The following WDR7 variants were observed in gnomAD, a reference collection of about 807,000 sequenced individuals.
WDR7 encodes WD repeat-containing protein 7.
A neutral mutation model predicts 169.4 loss-of-function variants in WDR7; 46 were observed. The ratio of observed to expected loss-of-function variants is 0.27; its 90% CI spans 0.21 to 0.35. WDR7 has a LOEUF of 0.35. WDR7 is among the 10% of genes least tolerant of loss of function. The probability of loss-of-function intolerance (pLI) is 1.00; values close to 1 mark genes in which losing one functional copy is unlikely to be tolerated. For missense variants in WDR7, 1,534 were observed against 1,859.3 expected (o/e 0.83, Z 3.22); for synonymous variants, 612 against 666.8 (o/e 0.92, Z 1.27).
At chr18:56,782,924 AGTTAATCTTT>A (rs2044341501) in intron 19 of WDR7, among the ~76,000 whole-genome samples, 1 of 152,168 alleles carries the variant, frequency 6.6e-6, no homozygotes, top group Non-Finnish European at 1.5e-5. Flanking sequence ...GTGTGGCATG[AGTTAATCTTT>A]GTTAAGTGCG....
At chr18:56,793,442 T>G (rs79856206) in intron 19 of WDR7, among the ~76,000 whole-genome samples, 131 of 152,364 alleles carry the variant, frequency 8.6e-4, no homozygotes, top group African/African-American at 3.1e-3. Flanking sequence ...TCTTCTCTTT[T>G]CAAGGCATAG....
chr18:56,941,893 T>C (rs1340727432), intron 25 of WDR7, among the ~76,000 whole-genome samples: 1 of 152,176 alleles, frequency 6.6e-6, no homozygotes, highest in East Asian at 1.9e-4. Flanking sequence ...TGCCATGGAA[T>C]GGCATCCTAT....
At chr18:56,946,723 G>C (rs1034461545) in intron 25 of WDR7, among the ~76,000 whole-genome samples, 4 of 152,024 alleles carry the variant, frequency 2.6e-5, no homozygotes, top group Non-Finnish European at 5.9e-5. Flanking sequence ...ACATATATGT[G>C]TGTGTGTATA....
At chr18:56,794,818 C>G (rs1255354372) in intron 19 of WDR7, among the ~76,000 whole-genome samples, 1 of 152,136 alleles carries the variant, frequency 6.6e-6, no homozygotes, top group African/African-American at 2.4e-5. Flanking sequence ...TTCTTTTAAT[C>G]TATAGAGTTT....
At chr18:56,790,246 G>C (rs1297051387) in intron 19 of WDR7, among the ~76,000 whole-genome samples, 2 of 152,086 alleles carry the variant, frequency 1.3e-5, no homozygotes, top group Non-Finnish European at 2.9e-5. Flanking sequence ...TGTTTTTATA[G>C]AGCAAAAAGC....
At chr18:56,709,735 T>C (rs2026041101) in intron 12 of WDR7, among the ~76,000 whole-genome samples, 1 of 152,184 alleles carries the variant, frequency 6.6e-6, no homozygotes, top group South Asian at 2.1e-4. Context: ...CCAATTTTTG[T>C]CATTTTTCAT....
chr18:56,972,842 T>C (rs1478920670), intron 26 of WDR7, among the ~76,000 whole-genome samples: 1 of 152,146 alleles, frequency 6.6e-6, no homozygotes, highest in Non-Finnish European at 1.5e-5. Flanking sequence ...TTCTTGGTTT[T>C]TTTTTGTTTT....
intron 22 of WDR7, among the ~76,000 whole-genome samples, chr18:56,929,954 A>G (rs1599166772): frequency 6.6e-6 from 1 of 152,226 alleles, no homozygotes; most frequent in East Asian, 1.9e-4. Context: ...TTGGAAGCCT[A>G]GACTTCCATC....
intron 16 of WDR7, among the ~76,000 whole-genome samples, 158 bp from the exon 17 acceptor site, chr18:56,776,624 C>T (rs1358166752): frequency 6.6e-6 from 1 of 152,132 alleles, no homozygotes; most frequent in Non-Finnish European, 1.5e-5. Context: ...CTGCTGTAAT[C>T]TTTAATGATC....
Position 56,686,985 on chromosome 18 carries a change from T to G in WDR7, c.717+11T>G. Reference sequence around the variant, plus strand: ...TCCAAATATTGGAGGGTAAGATAATTATATAAATAAGAAGCTGTATTTTTA... The same window carrying G: ...TCCAAATATTGGAGGGTAAGATAATGATATAAATAAGAAGCTGTATTTTTA... On this transcript the variant is annotated intron_variant, in intron 7 of 27. Coordinates refer to ENST00000254442, the MANE Select transcript of WDR7 (RefSeq NM_015285.3). 1 of 1,599,078 alleles carries G rather than the reference T, an allele frequency of 6.3e-7. No individual in the cohort carries two copies. Among genetic ancestry groups the G allele is most frequent in the East Asian group, 2.2e-5 (1 of 44,714 alleles).
intron 21 of WDR7, among the ~76,000 whole-genome samples, chr18:56,899,186 T>C (rs2046369291): frequency 6.6e-6 from 1 of 152,056 alleles, no homozygotes; most frequent in African/African-American, 2.4e-5. Context: ...CAGTTTTATT[T>C]ATAGATTTAA....
chr18:56,691,643 C>T, intron 8 of WDR7, 72 bp from the exon 9 acceptor site: 2 of 1,319,358 alleles, frequency 1.5e-6, no homozygotes, highest in Non-Finnish European at 2.1e-6. Flanking sequence ...TACCAACAAA[C>T]CTTGTCATAT....
rs74820615 is a variant in WDR7, at chr18:56,678,503, T to C, written c.160-829T>C. ...GGGGAGACCCAGTAACACTGTGGTC[T>C]TTTTTTTTTTTGAGACGGAGTCTCA... On this transcript the variant is annotated intron_variant, in intron 2 of 27. Transcript: ENST00000254442. Among the ~76,000 whole-genome samples the C allele has an allele frequency of 4.9e-3, 16 of 3,246 alleles. No individual in the cohort carries two copies. The East Asian group carries it at 0.5, about 101-fold the overall frequency. 2.1% of individuals were successfully genotyped at this position (3,246 alleles called of 152,430 possible). A position where few individuals can be genotyped will look rare whatever the true frequency, so the allele number is the denominator to read the frequency against.
intron 20 of WDR7, among the ~76,000 whole-genome samples, chr18:56,842,087 C>A (rs540350208): frequency 1.3e-5 from 2 of 152,260 alleles, no homozygotes; most frequent in African/African-American, 4.8e-5. Flanking sequence ...TCTTCCCTGA[C>A]CCCCACGCTA....
intron 18 of WDR7, among the ~76,000 whole-genome samples, chr18:56,780,357 A>T (rs1425616865): frequency 6.6e-6 from 1 of 152,172 alleles, no homozygotes; most frequent in Non-Finnish European, 1.5e-5. Flanking sequence ...CGAGTAATAT[A>T]ATTGCTTCTT....
chr18:56,872,865 T>C (rs2045972342), intron 20 of WDR7: 1 of 152,222 alleles, frequency 6.6e-6, no homozygotes, highest in Non-Finnish European at 1.5e-5. Context: ...TTTTACAGAA[T>C]TATTTTATTT....
chr18:56,695,158 C>T lies in WDR7; in HGVS notation c.1317C>T (p.Ala439=). The change falls in exon 11 of 28, where the codon GCC becomes GCT. Residue 439 remains alanine, a synonymous_variant. Transcript: ENST00000254442. ...SIVIVPATQT[A]IVQLLQGEHM... ...TTATTGTACCTGCCACACAGACGGCCATAGTACAGCTGTTGCAAGGGGAAC... is the reference window on the plus strand; with the variant it reads ...TTATTGTACCTGCCACACAGACGGCTATAGTACAGCTGTTGCAAGGGGAAC... 1 of 1,614,102 alleles carries T rather than the reference C, an allele frequency of 6.2e-7. No individual in the cohort carries two copies. Among genetic ancestry groups the T allele is most frequent in the South Asian group, 1.1e-5 (1 of 91,072 alleles).
intron 14 of WDR7, among the ~76,000 whole-genome samples, chr18:56,739,930 C>G (rs1184343458): frequency 7.2e-6 from 1 of 139,558 alleles, no homozygotes; most frequent in African/African-American, 2.6e-5. Flanking sequence ...CTTTTTGAAT[C>G]TGTAGGTTTG....
At chr18:56,801,374 T>C (rs546715130) in intron 19 of WDR7, among the ~76,000 whole-genome samples, 2 of 152,064 alleles carry the variant, frequency 1.3e-5, no homozygotes, top group South Asian at 4.2e-4. Context: ...TTCAGTGAGG[T>C]TATGTCCTAC....
Sources: gnomAD v4.1 joint callset for allele counts (sites outside exome capture counted in the v4.1 genomes callset) on GRCh38, gnomAD v4.1.1 for gene constraint, MANE v1.5 for transcripts, NCBI Gene and HGNC (gene_info 2026-07-23, HGNC 2026-07-21) for gene names.